Variants in MDGA2 observed in about 807,000 individuals in gnomAD.
The protein encoded by MDGA2 is MAM domain-containing glycosylphosphatidylinositol anchor protein 2.
Under a neutral mutation model 117.8 loss-of-function variants are expected in MDGA2, and 40 were observed. The observed-to-expected ratio is 0.34, with a 90% CI of 0.26 to 0.44. MDGA2 has a LOEUF of 0.44. MDGA2 is among the 20% of genes least tolerant of loss of function. MDGA2 has a pLI of 1.00. For synonymous variants in MDGA2, 452 were observed against 439.0 expected, an observed-to-expected ratio of 1.03 and a Z score of -0.37; for missense variants, 1,123 against 1,250.6, an observed-to-expected ratio of 0.90 and a Z score of 1.54.
At chr14:47,054,710 C>G (rs1241619380) in intron 7 of MDGA2, among the ~76,000 whole-genome samples, 1 of 151,798 alleles carries the variant, frequency 6.6e-6, no homozygotes, top group Non-Finnish European at 1.5e-5. Flanking sequence ...ATATCTACAA[C>G]TATCTGATCT....
intron 1 of MDGA2, among the ~76,000 whole-genome samples, chr14:47,395,387 T>C (rs1328603916): frequency 6.6e-6 from 1 of 152,142 alleles, no homozygotes; most frequent in African/African-American, 2.4e-5. Context: ...CTTCTCAGAA[T>C]AAAAAATATG....
rs982220132 is a variant in MDGA2 at position 47,111,111 on chromosome 14, GC to G, written c.926-13989del. On this transcript the variant is annotated intron_variant, in intron 5 of 16. Transcript: ENST00000399232. ...AAAATGTCCTAGACATTCTCCAAAA[GC>G]TTTGCATACATTAACTCATTTAATT... is the stretch of plus-strand genomic sequence containing the variant. Among the ~76,000 whole-genome samples, 62 of 152,080 alleles carry G rather than the reference GC, an allele frequency of 4.1e-4. 1 individual carries two copies. Among genetic ancestry groups the G allele is most frequent in the African/African-American group, 1.5e-3 (61 of 41,420 alleles).
intron 2 of MDGA2, among the ~76,000 whole-genome samples, chr14:47,233,521 T>A (rs1216124407): frequency 1.3e-5 from 2 of 152,132 alleles, no homozygotes; most frequent in Admixed American, 1.3e-4. Flanking sequence ...GGTTGTCATT[T>A]TCTTAAGGAT....
At chr14:47,223,399 A>C (rs1886368381) in intron 2 of MDGA2, among the ~76,000 whole-genome samples, 1 of 152,204 alleles carries the variant, frequency 6.6e-6, no homozygotes, top group Non-Finnish European at 1.5e-5. Context: ...CATTTATTTT[A>C]ATTTAATGTT....
intron 7 of MDGA2, among the ~76,000 whole-genome samples, chr14:47,052,386 A>AGCACT (rs1401173274): frequency 6.6e-6 from 1 of 151,932 alleles, no homozygotes; most frequent in Non-Finnish European, 1.5e-5. Context: ...AAGCTAATTA[A>AGCACT]GCACTGTTAA....
chr14:47,308,683 A>G (rs1889538901), intron 1 of MDGA2, among the ~76,000 whole-genome samples: 1 of 151,346 alleles, frequency 6.6e-6, no homozygotes, highest in Admixed American at 6.6e-5. Context: ...AAACAGAGAC[A>G]AAAGAGCAAC....
chr14:47,291,707 T>C (rs1888895344), intron 2 of MDGA2, among the ~76,000 whole-genome samples: 2 of 152,172 alleles, frequency 1.3e-5, no homozygotes, highest in Admixed American at 1.3e-4. Flanking sequence ...CAAGGGAATA[T>C]CGTACTGCAC....
intron 2 of MDGA2, among the ~76,000 whole-genome samples, chr14:47,225,453 C>T (rs1021435152): frequency 5.5e-4 from 83 of 152,150 alleles, no homozygotes; most frequent in African/African-American, 1.6e-3. Flanking sequence ...AAATGTGGCA[C>T]ATAGACACCA....
intron 1 of MDGA2, among the ~76,000 whole-genome samples, chr14:47,505,336 T>A (rs1894488007): frequency 6.6e-6 from 1 of 152,146 alleles, no homozygotes; most frequent in African/African-American, 2.4e-5. Flanking sequence ...TATTACAGAA[T>A]AGCTAGAAAA....
At chr14:47,398,199 T>C (rs978322156) in intron 1 of MDGA2, among the ~76,000 whole-genome samples, 1 of 152,134 alleles carries the variant, frequency 6.6e-6, no homozygotes, top group East Asian at 1.9e-4. Context: ...GCCCACATTT[T>C]CCATGATATA....
At chr14:47,212,970 T>C (rs1566683436) in intron 3 of MDGA2, among the ~76,000 whole-genome samples, 1 of 152,180 alleles carries the variant, frequency 6.6e-6, no homozygotes, top group Admixed American at 6.6e-5. Flanking sequence ...GACAAGCTTC[T>C]ATTGTCGTGC....
chr14:47,490,711 C>T (rs1017445512), intron 1 of MDGA2, among the ~76,000 whole-genome samples: 2 of 152,004 alleles, frequency 1.3e-5, no homozygotes, highest in African/African-American at 4.8e-5. Context: ...AAGGAAGAAA[C>T]TTTGAAAATC....
intron 1 of MDGA2, among the ~76,000 whole-genome samples, chr14:47,508,802 C>T (rs538777144): frequency 1.3e-5 from 2 of 152,130 alleles, no homozygotes; most frequent in Admixed American, 6.5e-5. Flanking sequence ...GCCTCAGCCT[C>T]CCGAGTAGCT....
At chr14:47,345,006 T>C (rs1890734010) in intron 1 of MDGA2, among the ~76,000 whole-genome samples, 1 of 152,094 alleles carries the variant, frequency 6.6e-6, no homozygotes, top group South Asian at 2.1e-4. Context: ...ATATTTGATG[T>C]TAATATTTCA....
intron 8 of MDGA2, among the ~76,000 whole-genome samples, chr14:46,978,621 A>G (rs1325344840): frequency 6.6e-6 from 1 of 152,104 alleles, no homozygotes; most frequent in East Asian, 1.9e-4. Context: ...AATAACTGTA[A>G]ATATGAAGTT....
At chr14:46,893,114 G>A (rs1882943868) in intron 10 of MDGA2, among the ~76,000 whole-genome samples, 1 of 151,890 alleles carries the variant, frequency 6.6e-6, no homozygotes, top group African/African-American at 2.4e-5. Flanking sequence ...GTCCATGAAT[G>A]AATGAATGGA....
At chr14:47,376,339 A>G (rs1234443825) in intron 1 of MDGA2, among the ~76,000 whole-genome samples, 2 of 152,194 alleles carry the variant, frequency 1.3e-5, no homozygotes, top group South Asian at 2.1e-4. Flanking sequence ...AAATATCATT[A>G]GTATCCATAT....
chr14:47,281,030 A>T (rs1051050958), intron 2 of MDGA2, among the ~76,000 whole-genome samples: 17 of 147,866 alleles, frequency 1.1e-4, no homozygotes, highest in Non-Finnish European at 2.2e-4. Flanking sequence ...TAAAATATAT[A>T]ATTAATATAA....
At chr14:46,904,718 G>C (rs1235371773) in intron 10 of MDGA2, among the ~76,000 whole-genome samples, 1 of 152,142 alleles carries the variant, frequency 6.6e-6, no homozygotes, top group Non-Finnish European at 1.5e-5. Flanking sequence ...ATAGCTACAT[G>C]TTTACATTTA....
Sources: allele counts gnomAD v4.1 joint callset (sites outside exome capture counted in the v4.1 genomes callset), GRCh38; gene constraint gnomAD v4.1.1; transcripts MANE v1.5; gene names NCBI Gene and HGNC (gene_info 2026-07-23, HGNC 2026-07-21).